The following NR4A3 variants were observed in gnomAD, a reference collection of about 807,000 sequenced individuals.
The protein encoded by NR4A3 is chondrosarcoma, extraskeletal myxoid, fused to EWS.
NR4A3 carries 13 observed loss-of-function variants against 55.6 expected under a neutral mutation model. The observed-to-expected ratio is 0.23, with a 90% confidence interval of 0.15 to 0.37. NR4A3 has a LOEUF of 0.37. NR4A3 is among the 10% of genes least tolerant of loss of function. NR4A3 has a pLI of 1.00. For missense variants in NR4A3, 646 were observed against 822.8 expected, an observed-to-expected ratio of 0.79 and a Z score of 2.63; for synonymous variants, 342 against 357.9, an observed-to-expected ratio of 0.96 and a Z score of 0.50.
intron 7 of NR4A3, among the ~76,000 whole-genome samples, chr9:99,855,109 AC>A (rs1827907751): frequency 6.6e-6 from 1 of 150,808 alleles, no homozygotes. Context: ...ATGGGAGTTC[AC>A]CCATGATTTG....
intron 3 of NR4A3, 131 bp downstream of exon 3, chr9:99,829,124 C>A: frequency 9.3e-7 from 1 of 1,076,914 alleles, no homozygotes; most frequent in Non-Finnish European, 1.2e-6. Context: ...TTCCTACAGC[C>A]CTTCCTAGCA....
intron 2 of NR4A3, among the ~76,000 whole-genome samples, chr9:99,827,615 G>C (rs1827327291): frequency 6.6e-6 from 1 of 152,202 alleles, no homozygotes; most frequent in African/African-American, 2.4e-5. Context: ...TGTATGCCTT[G>C]GGGGACCAAT....
At chr9:99,829,658 C>T (rs891236744) in intron 3 of NR4A3, among the ~76,000 whole-genome samples, 4 of 152,138 alleles carry the variant, frequency 2.6e-5, no homozygotes, top group African/African-American at 9.7e-5. Flanking sequence ...GAGACAGGGA[C>T]AACTGTCTTC....
chr9:99,850,855 T>C (rs1367151058), intron 7 of NR4A3, among the ~76,000 whole-genome samples: 1 of 152,186 alleles, frequency 6.6e-6, no homozygotes, highest in Non-Finnish European at 1.5e-5. Context: ...CTTGGAGTGA[T>C]AGTGACAGAT....
intron 5 of NR4A3, among the ~76,000 whole-genome samples, chr9:99,844,335 A>G (rs1385986126): frequency 6.6e-6 from 1 of 152,238 alleles, no homozygotes; most frequent in Admixed American, 6.5e-5. Context: ...CTCTAGGCGC[A>G]GGACCCAGAC....
chr9:99,837,535 T>A (rs1044326518), intron 5 of NR4A3, among the ~76,000 whole-genome samples: 12 of 152,118 alleles, frequency 7.9e-5, no homozygotes, highest in African/African-American at 2.4e-4. Context: ...ATATAAACTT[T>A]ATTAAATATT....
Position 99,832,875 on chromosome 9 carries a change from A to G in NR4A3, c.1081+57A>G, listed in dbSNP as rs12004907. ...TTATACATATTATCAGAAATCAGTG[A>G]AAAAAAGCTAATATTTACATTGGGA... is the stretch of plus-strand genomic sequence containing the variant. On this transcript the variant is annotated intron_variant, in intron 4 of 7. Coordinates refer to ENST00000395097, the MANE Select transcript of NR4A3 (RefSeq NM_006981.4). The G allele has an allele frequency of 6.7e-4, 917 of 1,377,046 alleles. 2 individuals are homozygous for G. The African/African-American group carries it at 0.012, about 18-fold the overall frequency. The allele number at this position is 1,377,046 out of a possible 1,614,324, so 85.3% of individuals were successfully genotyped here. A position where few individuals can be genotyped will look rare whatever the true frequency, so the allele number is the denominator to read the frequency against.
Position 99,866,619 on chromosome 9 carries a change from A to T in NR4A3, c.*2752A>T, listed in dbSNP as rs987768784. 24 of 227,836 alleles carry T rather than the reference A, an allele frequency of 1.1e-4. No individual in the cohort carries two copies. Among genetic ancestry groups the T allele is most frequent in the Non-Finnish European group, 2.0e-4 (23 of 114,444 alleles). The allele number at this position is 227,836 out of a possible 1,614,324, so 14.1% of individuals were successfully genotyped here. ...ACAGAGTGGATGACCACACTAGCAC[A>T]GAAGAGAACAACATGTATTAAAGCA... On this transcript the variant is annotated 3_prime_UTR_variant, in exon 8 of 8. Coordinates refer to ENST00000395097, the MANE Select transcript of NR4A3 (RefSeq NM_006981.4).
At chr9:99,832,465 G>C (rs1360898867) in intron 3 of NR4A3, among the ~76,000 whole-genome samples, 5 of 152,124 alleles carry the variant, frequency 3.3e-5, no homozygotes, top group African/African-American at 1.2e-4. Flanking sequence ...TCAGAGTTGG[G>C]TGTCTCCTGA....
chr9:99,845,069 C>A (rs1827729974), intron 6 of NR4A3, among the ~76,000 whole-genome samples: 1 of 152,082 alleles, frequency 6.6e-6, no homozygotes, highest in Non-Finnish European at 1.5e-5. Flanking sequence ...GCTGTCACAC[C>A]CTGAGCAGGT....
At chr9:99,855,902 T>G (rs901366753) in intron 7 of NR4A3, among the ~76,000 whole-genome samples, 1 of 152,158 alleles carries the variant, frequency 6.6e-6, no homozygotes, top group African/African-American at 2.4e-5. Context: ...ACTTTTCCCC[T>G]TGGTGGGGCT....
At chr9:99,844,129 G>A (rs1482431713) in intron 5 of NR4A3, among the ~76,000 whole-genome samples, 2 of 151,634 alleles carry the variant, frequency 1.3e-5, no homozygotes, top group Admixed American at 1.3e-4. Flanking sequence ...ACCACACTTT[G>A]AGAACCACTG....
intron 3 of NR4A3, among the ~76,000 whole-genome samples, chr9:99,831,376 CA>C (rs1239837291): frequency 1.3e-5 from 2 of 152,160 alleles, no homozygotes; most frequent in Admixed American, 1.3e-4. Context: ...CAGAATTTTG[CA>C]TTTTAAACTA....
chr9:99,825,574 C>G lies in NR4A3; in HGVS notation c.-176-85C>G, dbSNP rs1827279307. 1.3e-5 allele frequency: 2 copies of G among 153,086 alleles called. No individual in the cohort carries two copies. The highest frequency in any genetic ancestry group is 4.1e-4 in the South Asian group (2 of 4,846). 9.5% of individuals were successfully genotyped at this position (153,086 alleles called of 1,614,324 possible). A position where few individuals can be genotyped will look rare whatever the true frequency, so the allele number is the denominator to read the frequency against. On this transcript the variant is annotated intron_variant, in intron 1 of 7. Coordinates refer to ENST00000395097, the MANE Select transcript of NR4A3 (RefSeq NM_006981.4). This position sits in a 1 kb window ranked among gnomAD's most constrained non-coding sequence, Gnocchi z 5.0. ...TTTCTAGAGGTTGCCAACCAATTCC[C>G]CCAGTCCCCAATGCGCCCAGCCCGG...
chr9:99,849,470 T>C (rs1285455366), intron 7 of NR4A3, among the ~76,000 whole-genome samples: 1 of 152,100 alleles, frequency 6.6e-6, no homozygotes, highest in African/African-American at 2.4e-5. Context: ...AATGGCATAC[T>C]GGAGCATCTG....
chr9:99,855,123 T>C lies in NR4A3; in HGVS notation c.1633+7508T>C, dbSNP rs1318922587. 9.2e-5 allele frequency among the ~76,000 whole-genome samples: 14 copies of C among 151,474 alleles called. No individual in the cohort carries two copies. In the East Asian group the frequency reaches 2.5e-3, roughly 27 times the overall value. ...AATGGGAGTTCACCCATGATTTGGCTCTCTGTTTGTCTGTTGTTGGTGTAT... is the reference window on the plus strand; with the variant it reads ...AATGGGAGTTCACCCATGATTTGGCCCTCTGTTTGTCTGTTGTTGGTGTAT... On this transcript the variant is annotated intron_variant, in intron 7 of 7. Transcript: ENST00000395097.
At chr9:99,838,456 T>C (rs1341899395) in intron 5 of NR4A3, among the ~76,000 whole-genome samples, 1 of 152,208 alleles carries the variant, frequency 6.6e-6, no homozygotes, top group East Asian at 1.9e-4. Flanking sequence ...AGTGGTTTCA[T>C]GAAGCATCTC....
At chr9:99,855,811 C>T (rs1222753675) in intron 7 of NR4A3, among the ~76,000 whole-genome samples, 3 of 152,196 alleles carry the variant, frequency 2.0e-5, no homozygotes, top group African/African-American at 4.8e-5. Flanking sequence ...CAGGGGCCCA[C>T]CTTTCCTTCC....
intron 3 of NR4A3, among the ~76,000 whole-genome samples, chr9:99,830,423 C>A (rs1008331907): frequency 2.6e-5 from 4 of 152,076 alleles, no homozygotes; most frequent in African/African-American, 9.7e-5. Flanking sequence ...CATTATTAAA[C>A]AAAAGCTATA....
Sources: gnomAD v4.1 joint callset for allele counts (sites outside exome capture counted in the v4.1 genomes callset) on GRCh38, gnomAD v4.1.1 for gene constraint, Gnocchi (gnomAD v3.1) non-coding constraint, MANE v1.5 for transcripts, NCBI Gene and HGNC (gene_info 2026-07-23, HGNC 2026-07-21) for gene names.